RPTOR: variants seen among roughly 807,000 people sequenced by gnomAD.
RPTOR encodes regulatory-associated protein of mTOR.
Under a neutral mutation model 169.9 loss-of-function variants are expected in RPTOR, and 21 were observed. That is an observed-to-expected ratio of 0.12 (90% CI 0.09 to 0.18). The LOEUF is 0.18. RPTOR is among the 10% of genes least tolerant of loss of function. RPTOR has a pLI of 1.00. For synonymous variants in RPTOR, 732 were observed against 753.2 expected, an observed-to-expected ratio of 0.97 and a Z score of 0.46; for missense variants, 1,133 against 1,855.9, an observed-to-expected ratio of 0.61 and a Z score of 7.16.
chr17:80,585,585 G>A (rs571885999), intron 1 of RPTOR, among the ~76,000 whole-genome samples: 263 of 152,304 alleles, frequency 1.7e-3, no homozygotes, highest in African/African-American at 6.1e-3. Context: ...CTACAGCCCC[G>A]GGCACACGGT....
At chr17:80,855,097 A>G (rs2067837993) in intron 11 of RPTOR, among the ~76,000 whole-genome samples, 1 of 152,256 alleles carries the variant, frequency 6.6e-6, no homozygotes, top group African/African-American at 2.4e-5. Flanking sequence ...GAGCTGAGAA[A>G]TAGAATCACA....
At chr17:80,885,217 C>A in intron 17 of RPTOR, 69 bp downstream of exon 17, 2 of 1,511,202 alleles carry the variant, frequency 1.3e-6, no homozygotes, top group Admixed American at 2.0e-5. Context: ...GGGGCCAAGC[C>A]CGCATGGCCC....
rs186863030 is a variant in RPTOR, at chr17:80,638,834, A to G, written c.266-4894A>G. Among the ~76,000 whole-genome samples the G allele has an allele frequency of 3.0e-3, 457 of 152,334 alleles. 2 individuals are homozygous for G. The highest frequency in any genetic ancestry group is 0.01 in the African/African-American group (418 of 41,570). Reference sequence around the variant, plus strand: ...CTCTTGGTTTTTGTATAATACAGCAATAGGCAACACAGGAACGTAATTTTG... The same window carrying G: ...CTCTTGGTTTTTGTATAATACAGCAGTAGGCAACACAGGAACGTAATTTTG... On this transcript the variant is annotated intron_variant, in intron 2 of 33. Transcript: ENST00000306801.
Position 80,659,176 on chromosome 17 carries a change from C to T in RPTOR, c.348+15366C>T, listed in dbSNP as rs372621916. Among the ~76,000 whole-genome samples the T allele has an allele frequency of 2.0e-5, 3 of 152,264 alleles. No individual in the cohort carries two copies. Among genetic ancestry groups the T allele is most frequent in the Admixed American group, 6.5e-5 (1 of 15,298 alleles). ...TGAGTGGTCCCCGAGAGATTGCCTC[C>T]GAGCGCTGTTAGGAGAGGGAAGAGC... is the stretch of plus-strand genomic sequence containing the variant. On this transcript the variant is annotated intron_variant, in intron 3 of 33. Transcript: ENST00000306801. The surrounding 1 kb of genome is among the most constrained non-coding windows in gnomAD (Gnocchi z 4.3).
rs2067921379 is a variant in RPTOR at position 80,861,943 on chromosome 17, T to C, written c.1509+4043T>C. Among the ~76,000 whole-genome samples the C allele has an allele frequency of 6.6e-6, 1 of 152,194 alleles. No individual in the cohort carries two copies. The highest frequency in any genetic ancestry group is 6.5e-5 in the Admixed American group (1 of 15,280). ...CATGGTATTGCAGTGCAGGGCGTCT[T>C]GTTTAAAACTGGCTCTTGGTCCCGT... On this transcript the variant is annotated intron_variant, in intron 13 of 33. Coordinates refer to ENST00000306801, the MANE Select transcript of RPTOR (RefSeq NM_020761.3). This position sits in a 1 kb window ranked among gnomAD's most constrained non-coding sequence, Gnocchi z 4.5.
chr17:80,961,076 T>C, intron 30 of RPTOR: 1 of 393,436 alleles, frequency 2.5e-6, no homozygotes, highest in Non-Finnish European at 4.6e-6. Context: ...GGGCAGGGCC[T>C]GGGAGCGCTG....
chr17:80,760,478 T>C lies in RPTOR; in HGVS notation c.830+6293T>C, dbSNP rs565885176. Among the ~76,000 whole-genome samples the C allele has an allele frequency of 3.3e-5, 5 of 152,000 alleles. No homozygotes were observed. In the East Asian group the frequency reaches 9.7e-4, roughly 29 times the overall value. ...CACCACGCCTGGCTAATTTTTGTAT[T>C]TTTAGTAGAGATGAGATTTTACCAT... On this transcript the variant is annotated intron_variant, in intron 6 of 33. Coordinates refer to ENST00000306801, the MANE Select transcript of RPTOR (RefSeq NM_020761.3).
At chr17:80,782,665 C>T (rs925000334) in intron 6 of RPTOR, among the ~76,000 whole-genome samples, 5 of 152,106 alleles carry the variant, frequency 3.3e-5, no homozygotes, top group Non-Finnish European at 4.4e-5. Flanking sequence ...GAATTAGAAC[C>T]GAGCAGCCCT....
intron 3 of RPTOR, among the ~76,000 whole-genome samples, chr17:80,653,594 A>G (rs961469724): frequency 1.3e-5 from 2 of 152,132 alleles, no homozygotes; most frequent in Non-Finnish European, 2.9e-5. Context: ...GCCTCTGTGA[A>G]GTCTGGGTGC....
intron 1 of RPTOR, among the ~76,000 whole-genome samples, chr17:80,574,418 A>G (rs57180655): frequency 6.6e-6 from 1 of 151,294 alleles, no homozygotes; most frequent in Non-Finnish European, 1.5e-5. Flanking sequence ...CACCCGCCTC[A>G]GCCTCCCAAA....
intron 3 of RPTOR, among the ~76,000 whole-genome samples, chr17:80,684,909 G>A (rs2065925361): frequency 6.6e-6 from 1 of 152,102 alleles, no homozygotes; most frequent in Non-Finnish European, 1.5e-5. Context: ...ACTTCATTAC[G>A]TGAGTCAACA....
intron 4 of RPTOR, among the ~76,000 whole-genome samples, chr17:80,712,219 A>T (rs2066200251): frequency 6.6e-6 from 1 of 152,096 alleles, no homozygotes; most frequent in Non-Finnish European, 1.5e-5. Flanking sequence ...ATGTGTTATA[A>T]TTAATGATGT....
chr17:80,761,257 C>A (rs1002432881), intron 6 of RPTOR, among the ~76,000 whole-genome samples: 3 of 152,122 alleles, frequency 2.0e-5, no homozygotes, highest in Non-Finnish European at 2.9e-5. Context: ...GTGGGACTTG[C>A]TATAAAACAG....
chr17:80,662,801 C>G (rs112435652), intron 3 of RPTOR, among the ~76,000 whole-genome samples: 52 of 152,210 alleles, frequency 3.4e-4, no homozygotes, highest in African/African-American at 1.1e-3. Flanking sequence ...ATCTCATGGC[C>G]TTTCATAGTC....
At position 80,767,055 on chromosome 17, in the gene RPTOR, A is replaced by G. The variant is rs1252942644; in HGVS notation, c.830+12870A>G. ...TTTCATCAGAAATGAAAGAGGGCAC[A>G]TCCTTACTGATCCTACAGATGTTAA... On this transcript the variant is annotated intron_variant, in intron 6 of 33. Transcript: ENST00000306801. Among the ~76,000 whole-genome samples, 4 of 152,340 alleles carry G rather than the reference A, an allele frequency of 2.6e-5. 1 individual carries two copies. The South Asian group carries it at 8.3e-4, about 32-fold the overall frequency.
At chr17:80,682,662 C>G (rs1316482238) in intron 3 of RPTOR, among the ~76,000 whole-genome samples, 2 of 152,226 alleles carry the variant, frequency 1.3e-5, no homozygotes, top group African/African-American at 4.8e-5. Context: ...GCCCTGCTGA[C>G]TTAGTGATTT....
chr17:80,629,588 TC>T (rs1356311604), intron 2 of RPTOR, among the ~76,000 whole-genome samples: 18 of 101,316 alleles, frequency 1.8e-4, no homozygotes, highest in Non-Finnish European at 3.3e-4. Flanking sequence ...CATGTGTTTC[TC>T]TCTTCTGGGA....
chr17:80,793,235 T>C (rs2067067765), intron 7 of RPTOR, among the ~76,000 whole-genome samples: 1 of 152,214 alleles, frequency 6.6e-6, no homozygotes, highest in African/African-American at 2.4e-5. Flanking sequence ...GTAAGTATAA[T>C]GCAGATATTC....
chr17:80,631,776 G>A (rs2065444273), intron 2 of RPTOR, among the ~76,000 whole-genome samples: 1 of 152,158 alleles, frequency 6.6e-6, no homozygotes, highest in Non-Finnish European at 1.5e-5. Context: ...CAGAAAATTA[G>A]GAGGGCAGGG....
Sources: gnomAD v4.1 joint callset for allele counts (sites outside exome capture counted in the v4.1 genomes callset) on GRCh38, gnomAD v4.1.1 for gene constraint, Gnocchi (gnomAD v3.1) non-coding constraint, MANE v1.5 for transcripts, NCBI Gene and HGNC (gene_info 2026-07-23, HGNC 2026-07-21) for gene names.